The following CPS1 variants were observed in gnomAD, a reference collection of about 807,000 sequenced individuals.
CPS1 encodes carbamoyl-phosphate synthase 1, also known as carbamoyl-phosphate synthase [ammonia], mitochondrial.
Under a neutral mutation model 174.6 loss-of-function variants are expected in CPS1, and 109 were observed. The ratio of observed to expected loss-of-function variants is 0.62; its 90% CI spans 0.53 to 0.73. The LOEUF (loss-of-function observed/expected upper bound fraction) is 0.73, where lower values mean the gene tolerates loss of function less well. Among genes scored for constraint, CPS1 ranks in the 30% least tolerant of loss-of-function variants. The probability of loss-of-function intolerance (pLI) is 0.00; values close to 1 mark genes in which losing one functional copy is unlikely to be tolerated. For synonymous variants in CPS1, 637 were observed against 632.0 expected, an observed-to-expected ratio of 1.01 and a Z score of -0.12; for missense variants, 1,689 against 1,821.9, an observed-to-expected ratio of 0.93 and a Z score of 1.33.
At chr2:210,640,623 G>T (rs1290320355) in intron 24 of CPS1, among the ~76,000 whole-genome samples, 1 of 152,084 alleles carries the variant, frequency 6.6e-6, no homozygotes, top group Non-Finnish European at 1.5e-5. Context: ...TATTACAGAT[G>T]CAAGTATGTA....
chr2:210,555,536 T>A (rs996224372), upstream of CPS1: 4 of 443,050 alleles, frequency 9.0e-6, no homozygotes, highest in Admixed American at 9.6e-5. Context: ...GGACTTAAAT[T>A]AAACTTTGTT....
At chr2:210,523,672 A>G (rs1695888422) in intron 1 of CPS1, among the ~76,000 whole-genome samples, 2 of 152,036 alleles carry the variant, frequency 1.3e-5, no homozygotes, top group South Asian at 4.1e-4. Flanking sequence ...AAAAGACATG[A>G]TTTCATTCTT....
intron 1 of CPS1, among the ~76,000 whole-genome samples, chr2:210,521,475 A>G (rs965393605): frequency 4.6e-5 from 7 of 151,936 alleles, no homozygotes; most frequent in Non-Finnish European, 8.8e-5. Flanking sequence ...TATCAAATTT[A>G]GAAGATTTTA....
chr2:210,534,796 T>C (rs1696203949), intron 1 of CPS1, among the ~76,000 whole-genome samples: 1 of 152,224 alleles, frequency 6.6e-6, no homozygotes, highest in Admixed American at 6.5e-5. Context: ...AAATTCTACG[T>C]TCTCTTCCTG....
chr2:210,602,126 C>T, intron 15 of CPS1, 76 bp from the exon 16 acceptor site: 1 of 1,578,778 alleles, frequency 6.3e-7, no homozygotes, highest in Admixed American at 1.7e-5. Context: ...TACCTGATTG[C>T]CAGACTCTCT....
chr2:210,495,268 T>C (rs1046318248), intron 1 of CPS1, among the ~76,000 whole-genome samples: 8 of 152,158 alleles, frequency 5.3e-5, no homozygotes, highest in African/African-American at 1.9e-4. Flanking sequence ...ATCTGTCCAC[T>C]AAAGTTACCA....
At chr2:210,653,218 CA>C (rs1700611186) in intron 28 of CPS1, among the ~76,000 whole-genome samples, 1 of 152,120 alleles carries the variant, frequency 6.6e-6, no homozygotes, top group African/African-American at 2.4e-5. Context: ...GGTAAAAAGA[CA>C]GTGGCCCAGG....
intron 1 of CPS1, among the ~76,000 whole-genome samples, chr2:210,499,331 G>T (rs1695081609): frequency 1.3e-5 from 2 of 152,144 alleles, no homozygotes; most frequent in South Asian, 4.1e-4. Flanking sequence ...CCTGTTCTAT[G>T]TCTCCAAGCT....
chr2:210,560,924 A>G (rs902110170), intron 1 of CPS1, among the ~76,000 whole-genome samples: 3 of 152,180 alleles, frequency 2.0e-5, no homozygotes, highest in Non-Finnish European at 4.4e-5. Flanking sequence ...GATTTCATCT[A>G]TGGCAAACTA....
chr2:210,589,237 T>C (rs918602965), intron 7 of CPS1, among the ~76,000 whole-genome samples: 4 of 152,076 alleles, frequency 2.6e-5, no homozygotes, highest in African/African-American at 9.7e-5. Context: ...TGTTTCATGA[T>C]GTCACTTCCT....
chr2:210,515,180 C>T (rs1329386345), intron 1 of CPS1, among the ~76,000 whole-genome samples: 1 of 151,306 alleles, frequency 6.6e-6, no homozygotes, highest in African/African-American at 2.4e-5. Context: ...GTGTCTTTTC[C>T]AGGTTTTGGT....
intron 1 of CPS1, among the ~76,000 whole-genome samples, chr2:210,514,695 T>G (rs1695626709): frequency 6.6e-6 from 1 of 151,706 alleles, no homozygotes; most frequent in East Asian, 1.9e-4. Flanking sequence ...ATTGGTCTGC[T>G]TGGTACTTCT....
intron 21 of CPS1, 113 bp from the exon 22 acceptor site, chr2:210,637,589 A>G: frequency 9.2e-7 from 1 of 1,087,564 alleles, no homozygotes; most frequent in Non-Finnish European, 1.4e-6. Flanking sequence ...CAAGACTTAA[A>G]TATGTTTGAA....
intron 31 of CPS1, 94 bp from the exon 32 acceptor site, chr2:210,660,391 A>T: frequency 7.9e-7 from 1 of 1,260,328 alleles, no homozygotes; most frequent in Non-Finnish European, 1.2e-6. Context: ...GTCCCCAGTT[A>T]ATAACAGCTG....
chr2:210,499,529 C>T (rs1695089817), intron 1 of CPS1, among the ~76,000 whole-genome samples: 1 of 152,172 alleles, frequency 6.6e-6, no homozygotes, highest in Non-Finnish European at 1.5e-5. Context: ...GACAAAAATG[C>T]CTGTGCAGCC....
intron 36 of CPS1, 76 bp from the exon 37 acceptor site, chr2:210,676,931 G>T: frequency 6.9e-7 from 1 of 1,456,278 alleles, no homozygotes; most frequent in Non-Finnish European, 9.6e-7. Flanking sequence ...GGCTAAGAGA[G>T]CAATTTATGT....
At chr2:210,511,275 G>A (rs1048916588) in intron 1 of CPS1, among the ~76,000 whole-genome samples, 12 of 151,884 alleles carry the variant, frequency 7.9e-5, no homozygotes, top group South Asian at 2.1e-4. Context: ...GCAAACCATC[G>A]CAAGGAGAAA....
At chr2:210,634,175 A>C (rs1699958466) in intron 21 of CPS1, among the ~76,000 whole-genome samples, 1 of 152,212 alleles carries the variant, frequency 6.6e-6, no homozygotes, top group Admixed American at 6.5e-5. Context: ...TCACGCCTGT[A>C]ATCCCAGCAC....
chr2:210,595,479 G>C lies in CPS1; in HGVS notation c.1264-8G>C. 6.3e-7 allele frequency: 1 copy of C among 1,596,904 alleles called. No individual in the cohort carries two copies. The highest frequency in any genetic ancestry group is 2.2e-5 in the East Asian group (1 of 44,600). On this transcript the variant is annotated splice_polypyrimidine_tract_variant and splice_region_variant and intron_variant, in intron 12 of 37. Transcript: ENST00000233072. ...GTAATAACAGTGTCTTTTTCTTATT[G>C]CTTATAGGTTTCCAAAGTCCTTATT...
Sources: allele counts gnomAD v4.1 joint callset (sites outside exome capture counted in the v4.1 genomes callset), GRCh38; gene constraint gnomAD v4.1.1; transcripts MANE v1.5; gene names NCBI Gene and HGNC (gene_info 2026-07-23, HGNC 2026-07-21).